Variants in SCLT1 observed in about 807,000 individuals in gnomAD.
SCLT1 encodes sodium channel and clathrin linker 1.
In SCLT1, 78 loss-of-function variants were observed where a neutral mutation model predicts 112.8. The ratio of observed to expected loss-of-function variants is 0.69; its 90% CI spans 0.58 to 0.83. The LOEUF (loss-of-function observed/expected upper bound fraction) is 0.83, where lower values mean the gene tolerates loss of function less well. SCLT1 is among the 40% of genes least tolerant of loss of function. SCLT1 has a pLI of 0.00. For missense variants in SCLT1, 747 were observed against 770.4 expected (o/e 0.97, Z 0.36); for synonymous variants, 257 against 254.7 (o/e 1.01, Z -0.09).
At chr4:128,972,559 C>T (rs1173126654) in intron 9 of SCLT1, among the ~76,000 whole-genome samples, 3 of 152,132 alleles carry the variant, frequency 2.0e-5, no homozygotes, top group Admixed American at 6.5e-5. Flanking sequence ...CCATGCTGCA[C>T]GTCTCAAAGA....
At chr4:128,999,882 T>A (rs528102179) in intron 6 of SCLT1, 88 bp from the exon 7 acceptor site, 2 of 810,216 alleles carry the variant, frequency 2.5e-6, no homozygotes, top group South Asian at 5.5e-5. Context: ...ATAGAATAAG[T>A]TCTTATAAAG....
At position 128,903,076 on chromosome 4, in the gene SCLT1, TAA is replaced by T. The variant is rs66863573; in HGVS notation, c.1830-11941_1830-11940del. ...GCCTAAGGCTGTTTTACAGTTAACT[TAA>T]AAAAAAAAACATGTAGGAGTATGCT... On this transcript the variant is annotated intron_variant, in intron 18 of 20. Transcript: ENST00000281142. Among the ~76,000 whole-genome samples, 11 of 150,456 alleles carry T rather than the reference TAA, an allele frequency of 7.3e-5. No individual in the cohort carries two copies. In the East Asian group the frequency reaches 7.8e-4, roughly 11 times the overall value.
chr4:129,017,377 C>T (rs1745085760), intron 5 of SCLT1, among the ~76,000 whole-genome samples: 1 of 152,004 alleles, frequency 6.6e-6, no homozygotes, highest in Non-Finnish European at 1.5e-5. Context: ...TATCATCTAT[C>T]TTTGCTTATT....
rs540445033 is a variant in SCLT1, at chr4:128,951,586, A to G, written c.1218+1183T>C. 3.9e-5 allele frequency among the ~76,000 whole-genome samples: 6 copies of G among 152,262 alleles called. No individual in the cohort carries two copies. In the South Asian group the frequency reaches 1.2e-3, roughly 32 times the overall value. On this transcript the variant is annotated intron_variant, in intron 14 of 20. Transcript: ENST00000281142. Reference sequence around the variant, plus strand: ...TATTCATGCCCTTGCAGAGTTTACCATCCATTAAATGATCTTGGACTGGGG... The same window carrying G: ...TATTCATGCCCTTGCAGAGTTTACCGTCCATTAAATGATCTTGGACTGGGG...
intron 8 of SCLT1, among the ~76,000 whole-genome samples, chr4:128,993,719 C>CACTGATTATTTCACTG (rs1385445835): frequency 2.0e-5 from 3 of 152,012 alleles, no homozygotes; most frequent in Non-Finnish European, 4.4e-5. Flanking sequence ...CTGATTATTT[C>CACTGATTATTTCACTG]ATATGTCAGC....
At chr4:129,063,752 C>T (rs141370714) in intron 2 of SCLT1, among the ~76,000 whole-genome samples, 9 of 152,314 alleles carry the variant, frequency 5.9e-5, no homozygotes, top group Admixed American at 2.0e-4. Flanking sequence ...CTGTGAGTCC[C>T]TCCCTGTTCT....
chr4:129,062,605 G>C, intron 2 of SCLT1, among the ~76,000 whole-genome samples: 1 of 152,014 alleles, frequency 6.6e-6, no homozygotes, highest in East Asian at 1.9e-4. Flanking sequence ...CTCAGCTTTT[G>C]CTTGTCTAGG....
intron 20 of SCLT1, among the ~76,000 whole-genome samples, chr4:128,888,257 G>A (rs1292248573): frequency 6.7e-6 from 1 of 149,970 alleles, no homozygotes; most frequent in Admixed American, 6.7e-5. Context: ...CACTCTGTCC[G>A]CCAGGCTGGA....
At chr4:128,893,843 G>A (rs1008348589) in intron 18 of SCLT1, among the ~76,000 whole-genome samples, 19 of 152,000 alleles carry the variant, frequency 1.3e-4, no homozygotes, top group South Asian at 4.2e-4. Flanking sequence ...GCCCAGCCCC[G>A]AAATCCCAAT....
intron 4 of SCLT1, among the ~76,000 whole-genome samples, chr4:129,040,426 C>A (rs1421889363): frequency 1.3e-5 from 2 of 152,084 alleles, no homozygotes; most frequent in Admixed American, 1.3e-4. Flanking sequence ...ACTCTGTCTC[C>A]TAAGGTGGAG....
chr4:129,038,264 T>C (rs982430827), intron 5 of SCLT1: 4 of 153,958 alleles, frequency 2.6e-5, no homozygotes, highest in African/African-American at 7.2e-5. Context: ...TATAGATCAA[T>C]ATAAACTCAT....
At chr4:128,903,084 A>G (rs1734445057) in intron 18 of SCLT1, among the ~76,000 whole-genome samples, 1 of 152,224 alleles carries the variant, frequency 6.6e-6, no homozygotes, top group African/African-American at 2.4e-5. Flanking sequence ...CTTAAAAAAA[A>G]AAACATGTAG....
At chr4:129,037,296 T>C (rs1747266632) in intron 5 of SCLT1, 1 of 152,240 alleles carries the variant, frequency 6.6e-6, no homozygotes, top group Non-Finnish European at 1.5e-5. Flanking sequence ...TTCTGGCCTC[T>C]GTCCCAGGGG....
intron 6 of SCLT1, among the ~76,000 whole-genome samples, chr4:129,001,011 A>C (rs1743436128): frequency 6.6e-6 from 1 of 151,996 alleles, no homozygotes; most frequent in Non-Finnish European, 1.5e-5. Context: ...AAATTTGTAG[A>C]TAAACACAGA....
rs546551736 is a variant in SCLT1 at position 129,013,879 on chromosome 4, T to C, written c.291-10003A>G. On this transcript the variant is annotated intron_variant, in intron 5 of 20. Transcript: ENST00000281142. ...TCAAGCTAGGTTGGGTAAGTTCTAA[T>C]GGATGGTATTCTGAAATGTGTTTTC... Among the ~76,000 whole-genome samples the C allele has an allele frequency of 1.2e-4, 19 of 152,340 alleles. No individual in the cohort carries two copies. In the South Asian group the frequency reaches 2.3e-3, roughly 18 times the overall value.
chr4:128,998,142 G>A (rs1479840627), intron 7 of SCLT1, among the ~76,000 whole-genome samples: 5 of 151,780 alleles, frequency 3.3e-5, no homozygotes, highest in African/African-American at 4.8e-5. Flanking sequence ...TGGCAATGCT[G>A]AAATTAATGT....
chr4:128,949,685 C>T (rs893318430), intron 14 of SCLT1, among the ~76,000 whole-genome samples: 1 of 151,952 alleles, frequency 6.6e-6, no homozygotes, highest in Non-Finnish European at 1.5e-5. Context: ...CAGCTTCATC[C>T]ATGTCCCTAC....
At chr4:128,958,736 T>C (rs2126012217) in intron 12 of SCLT1, among the ~76,000 whole-genome samples, 1 of 152,304 alleles carries the variant, frequency 6.6e-6, no homozygotes, top group East Asian at 1.9e-4. Context: ...TAAAAGACAG[T>C]ATTCAGATCA....
At chr4:129,052,461 A>G (rs1371501663) in intron 2 of SCLT1, among the ~76,000 whole-genome samples, 1 of 151,532 alleles carries the variant, frequency 6.6e-6, no homozygotes. Context: ...GGGAGGGTGT[A>G]TGTGTTCAGG....
Sources: allele counts gnomAD v4.1 joint callset (sites outside exome capture counted in the v4.1 genomes callset), GRCh38; gene constraint gnomAD v4.1.1; transcripts MANE v1.5; gene names NCBI Gene and HGNC (gene_info 2026-07-23, HGNC 2026-07-21).